NFIB: variants seen among roughly 807,000 people sequenced by gnomAD.
NFIB encodes the protein nuclear factor I B, also known as nuclear factor 1 B-type.
NFIB carries 11 observed loss-of-function variants against 61.5 expected under a neutral mutation model. That is an observed-to-expected ratio of 0.18 (90% CI 0.11 to 0.30). The LOEUF (loss-of-function observed/expected upper bound fraction) is 0.30, where lower values mean the gene tolerates loss of function less well. Among genes scored for constraint, NFIB ranks in the 10% least tolerant of loss-of-function variants. NFIB has a pLI of 1.00. For synonymous variants in NFIB, 260 were observed against 216.5 expected, an observed-to-expected ratio of 1.20 and a Z score of -1.76; for missense variants, 471 against 608.9, an observed-to-expected ratio of 0.77 and a Z score of 2.38.
At chr9:14,153,210 T>G (rs185007041) in intron 4 of NFIB, among the ~76,000 whole-genome samples, 2 of 152,162 alleles carry the variant, frequency 1.3e-5, no homozygotes. Flanking sequence ...TACGGATTTA[T>G]GCATGAGCAC....
At chr9:14,325,446 C>T (rs2132835890) in intron 1 of NFIB, among the ~76,000 whole-genome samples, 1 of 152,214 alleles carries the variant, frequency 6.6e-6, no homozygotes, top group Non-Finnish European at 1.5e-5. Context: ...TAAAAATGTA[C>T]TAGCAACATC....
At chr9:14,507,572 G>C in the NFIB span, among the ~76,000 whole-genome samples, 1 of 152,122 alleles carries the variant, frequency 6.6e-6, no homozygotes, top group African/African-American at 2.4e-5. Context: ...GGTTTGGTTT[G>C]GAATATTTTT....
At chr9:14,462,828 T>C in the NFIB span, among the ~76,000 whole-genome samples, 2 of 152,220 alleles carry the variant, frequency 1.3e-5, no homozygotes, top group African/African-American at 4.8e-5. Context: ...CACAAGGCCA[T>C]AGCCAATCAG....
At chr9:14,257,615 G>A (rs1563950692) in intron 2 of NFIB, among the ~76,000 whole-genome samples, 1 of 152,230 alleles carries the variant, frequency 6.6e-6, no homozygotes, top group South Asian at 2.1e-4. Context: ...AATTAGCCGG[G>A]CATGGTTGCG....
intron 10 of NFIB, chr9:14,093,595 C>T (rs1284834114): frequency 6.6e-6 from 1 of 152,064 alleles, no homozygotes; most frequent in African/African-American, 2.4e-5. Context: ...GCAACATTTC[C>T]TGATCTCCCC....
chr9:14,351,391 G>A (rs2061109606), intron 1 of NFIB, among the ~76,000 whole-genome samples: 1 of 145,714 alleles, frequency 6.9e-6, no homozygotes, highest in Admixed American at 6.8e-5. Context: ...CTCATCCTAG[G>A]GAGCTGGGCT....
In NFIB at chr9:14,120,927, T is replaced by A. The variant is rs1427779676; in HGVS notation, c.1061-303A>T. The stretch of plus-strand genomic sequence containing the variant: ...ATGTCAATACTTGATAAAACACTTC[T>A]TTGAGCAAAGATATATCCCGTTGAA... On this transcript the variant is annotated intron_variant, in intron 7 of 10. Transcript: ENST00000380953. The surrounding 1 kb of genome is among the most constrained non-coding windows in gnomAD (Gnocchi z 4.4). Among the ~76,000 whole-genome samples, 1 of 152,200 alleles carries A rather than the reference T, an allele frequency of 6.6e-6. No homozygotes were observed. The highest frequency in any genetic ancestry group is 6.5e-5 in the Admixed American group (1 of 15,280).
At chr9:14,207,770 TACTTAAC>T (rs1403514643) in intron 2 of NFIB, among the ~76,000 whole-genome samples, 16 of 152,206 alleles carry the variant, frequency 1.1e-4, no homozygotes, top group Admixed American at 2.0e-4. Flanking sequence ...GTCTTGGCTG[TACTTAAC>T]CAGAGTTCAA....
the NFIB span, among the ~76,000 whole-genome samples, chr9:14,517,537 T>C: frequency 6.6e-6 from 1 of 152,294 alleles, no homozygotes; most frequent in South Asian, 2.1e-4. Context: ...CCTTGTCCTA[T>C]GTTACTTGAT....
chr9:14,202,794 C>A (rs1295398523), intron 2 of NFIB, among the ~76,000 whole-genome samples: 2 of 152,114 alleles, frequency 1.3e-5, no homozygotes, highest in Non-Finnish European at 2.9e-5. Context: ...TGAAAAAAAT[C>A]ACCTTCACAA....
intron 2 of NFIB, among the ~76,000 whole-genome samples, chr9:14,245,975 A>C (rs1337288791): frequency 1.3e-5 from 2 of 152,044 alleles, no homozygotes; most frequent in Non-Finnish European, 2.9e-5. Context: ...TACTGTAAAT[A>C]TCCATCACTC....
chr9:14,121,501 T>C (rs1474982489), intron 7 of NFIB, among the ~76,000 whole-genome samples: 3 of 152,202 alleles, frequency 2.0e-5, no homozygotes, highest in Non-Finnish European at 4.4e-5. Context: ...TACAACATCA[T>C]CTCATGTCAT....
intron 2 of NFIB, among the ~76,000 whole-genome samples, chr9:14,190,211 G>A (rs1161442286): frequency 6.6e-6 from 1 of 152,080 alleles, no homozygotes; most frequent in African/African-American, 2.4e-5. Flanking sequence ...TTAATAACCA[G>A]TCCTTGTTTT....
At chr9:14,232,625 T>C (rs1438975910) in intron 2 of NFIB, among the ~76,000 whole-genome samples, 5 of 152,164 alleles carry the variant, frequency 3.3e-5, no homozygotes, top group African/African-American at 1.2e-4. Flanking sequence ...TTTAAAGTAT[T>C]AGAGGGCTAA....
chr9:14,494,823 C>T, the NFIB span, among the ~76,000 whole-genome samples: 6 of 152,116 alleles, frequency 3.9e-5, no homozygotes, highest in African/African-American at 1.4e-4. Context: ...CTCTCAATTG[C>T]CTAGGTCTCC....
upstream of NFIB, among the ~76,000 whole-genome samples, chr9:14,315,453 CACCCCCCGGGGCCCG>C (rs966817468): frequency 6.7e-6 from 1 of 148,972 alleles, no homozygotes; most frequent in Non-Finnish European, 1.5e-5. Context: ...TCCCAATCCC[CACCCCCCGGGGCCCG>C]GGGCGCCGGC....
At chr9:14,318,246 T>G (rs1279104442), upstream of NFIB, among the ~76,000 whole-genome samples, 2 of 152,208 alleles carry the variant, frequency 1.3e-5, no homozygotes, top group Admixed American at 6.5e-5. Context: ...TTTATTGATT[T>G]CTAAATAGAA....
At chr9:14,446,540 T>G in the NFIB span, among the ~76,000 whole-genome samples, 1 of 152,302 alleles carries the variant, frequency 6.6e-6, no homozygotes, top group African/African-American at 2.4e-5. Context: ...CTCATCCATT[T>G]CATTTCTTTC....
At chr9:14,271,052 T>C (rs1334306954) in intron 2 of NFIB, among the ~76,000 whole-genome samples, 1 of 152,016 alleles carries the variant, frequency 6.6e-6, no homozygotes, top group African/African-American at 2.4e-5. Flanking sequence ...ATGCATGTTT[T>C]AAGAGACCAA....
Sources: allele counts gnomAD v4.1 joint callset (sites outside exome capture counted in the v4.1 genomes callset), GRCh38; gene constraint gnomAD v4.1.1; non-coding constraint Gnocchi (gnomAD v3.1); transcripts MANE v1.5; gene names NCBI Gene and HGNC (gene_info 2026-07-23, HGNC 2026-07-21).